HIP1R: variants seen among roughly 807,000 people sequenced by gnomAD.
HIP1R encodes the protein huntingtin-interacting protein 1-related protein.
Under a neutral mutation model 144.2 loss-of-function variants are expected in HIP1R, and 135 were observed. The ratio of observed to expected loss-of-function variants is 0.94; its 90% CI spans 0.81 to 1.08. HIP1R has a LOEUF of 1.08. Among genes scored for constraint, HIP1R ranks in the 50% least tolerant of loss-of-function variants. The pLI, the probability that HIP1R is intolerant of heterozygous loss-of-function variation, is 0.00. For missense variants in HIP1R, 1,462 were observed against 1,432.8 expected (o/e 1.02, Z -0.33); for synonymous variants, 698 against 612.8 (o/e 1.14, Z -2.05).
rs924070792 is a variant in HIP1R at position 122,861,918 on chromosome 12, C to G, written c.*165C>G. Reference sequence around the variant, plus strand: ...TGGCCCTTACTGAGCCTGCAGGGTCCTGGGCCATGTGGGTGGTGCTTCTGG... The same window carrying G: ...TGGCCCTTACTGAGCCTGCAGGGTCGTGGGCCATGTGGGTGGTGCTTCTGG... On this transcript the variant is annotated 3_prime_UTR_variant, in exon 32 of 32. Transcript: ENST00000253083. The G allele has an allele frequency of 5.0e-5, 31 of 614,726 alleles. No individual in the cohort carries two copies. In the East Asian group the frequency reaches 6.3e-4, roughly 13 times the overall value. The allele number at this position is 614,726 out of a possible 1,614,324, so 38.1% of individuals were successfully genotyped here. A position where few individuals can be genotyped will look rare whatever the true frequency, so the allele number is the denominator to read the frequency against.
At chr12:122,844,793 G>A (rs972404029) in intron 1 of HIP1R, among the ~76,000 whole-genome samples, 2 of 152,212 alleles carry the variant, frequency 1.3e-5, no homozygotes, top group African/African-American at 4.8e-5. Flanking sequence ...CTCAAAGGCT[G>A]CGCTGCCCTG....
At position 122,858,448 on chromosome 12, in the gene HIP1R, AG is replaced by A; in HGVS notation, c.2050+16del. 1 of 1,588,194 alleles carries A rather than the reference AG, an allele frequency of 6.3e-7. No individual in the cohort carries two copies. Among genetic ancestry groups the A allele is most frequent in the Non-Finnish European group, 8.6e-7 (1 of 1,165,554 alleles). On this transcript the variant is annotated intron_variant, in intron 20 of 31. Coordinates refer to ENST00000253083, the MANE Select transcript of HIP1R (RefSeq NM_003959.3). ...ACCTCCTTGGCAGGTGAGTGTAGCC[AG>A]GGCAGGGCGGAGGCGGGGGCTGTGT... is the stretch of plus-strand genomic sequence containing the variant.
chr12:122,849,740 G>T (rs979745472), intron 4 of HIP1R, 135 bp from the exon 5 acceptor site: 5 of 629,882 alleles, frequency 7.9e-6, no homozygotes, highest in Admixed American at 5.5e-5. Flanking sequence ...AGAGAGGGTG[G>T]TTGGTGGAGG....
chr12:122,857,286 G>T (rs7138398), intron 18 of HIP1R, 71 bp downstream of exon 18: 1 of 1,377,262 alleles, frequency 7.3e-7, no homozygotes, highest in Non-Finnish European at 1.0e-6. Context: ...CTGTCTCCGT[G>T]ATCTGCCTGT....
Position 122,861,470 on chromosome 12 carries a change from C to T in HIP1R, c.3115C>T (p.Pro1039Ser), listed in dbSNP as rs753226037. 2 of 1,613,470 alleles carry T rather than the reference C, an allele frequency of 1.2e-6. No homozygotes were observed. Among genetic ancestry groups the T allele is most frequent in the East Asian group, 2.2e-5 (1 of 44,880 alleles). ...APRSVTTKKP[P>S]LAQKPSVAPR... ...CCGAAGTGTAACCACCAAGAAACCA[C>T]CCCTGGCCCAGAAGCCCAGCGTGGC... Residue 1039 changes from proline to serine, a missense_variant, in exon 31 of 32, where the codon CCC (proline) becomes TCC (serine). Pro to Ser is a moderately conservative substitution (Grantham distance 74). Around this residue, in one of 2 missense-constraint regions of HIP1R, gnomAD observed 1,112 missense variants for 1,011.7 expected, o/e 1.10. Coordinates refer to ENST00000253083, the MANE Select transcript of HIP1R (RefSeq NM_003959.3).
Position 122,855,972 on chromosome 12 carries a change from T to C in HIP1R, c.1129-8T>C, listed in dbSNP as rs769194488. 6.3e-7 allele frequency: 1 copy of C among 1,580,574 alleles called. No individual in the cohort carries two copies. The highest frequency in any genetic ancestry group is 8.6e-7 in the Non-Finnish European group (1 of 1,163,828). ...AGGCAGGGCCCCACGTCACACCTCC[T>C]CCCGCAGGCCCAGCGGTACATCGCG... On this transcript the variant is annotated splice_region_variant and splice_polypyrimidine_tract_variant and intron_variant, in intron 13 of 31. Transcript: ENST00000253083.
intron 26 of HIP1R, 96 bp from the exon 27 acceptor site, chr12:122,860,327 A>G: frequency 1.3e-6 from 2 of 1,546,394 alleles, no homozygotes; most frequent in Non-Finnish European, 8.9e-7. Flanking sequence ...GATGCGCCCT[A>G]TGGCCAGAGT....
chr12:122,861,755 C>T lies in HIP1R; in HGVS notation c.*2C>T, dbSNP rs547989990. On this transcript the variant is annotated 3_prime_UTR_variant, in exon 32 of 32. Transcript: ENST00000253083. ...CCAGCTCAACTCGTGAACTACTAGGCCCCCCAGGGGTCCAGCAGGGTGGCT... is the reference window on the plus strand; with the variant it reads ...CCAGCTCAACTCGTGAACTACTAGGTCCCCCAGGGGTCCAGCAGGGTGGCT... 10 of 1,613,488 alleles carry T rather than the reference C, an allele frequency of 6.2e-6. No homozygotes were observed. The highest frequency in any genetic ancestry group is 8.5e-6 in the Non-Finnish European group (10 of 1,179,672).
intron 12 of HIP1R, 101 bp downstream of exon 12, chr12:122,855,713 C>T: frequency 2.0e-6 from 3 of 1,509,338 alleles, no homozygotes; most frequent in Non-Finnish European, 2.7e-6. Context: ...AGGTGGGGAA[C>T]ATGAACCCGT....
chr12:122,858,808 C>T (rs781640047), intron 20 of HIP1R, 30 bp from the exon 21 acceptor site: 6 of 1,483,810 alleles, frequency 4.0e-6, no homozygotes, highest in Admixed American at 1.7e-5. Flanking sequence ...TGTCATCCTC[C>T]CCCAACCTTG....
At chr12:122,848,968 G>C in intron 4 of HIP1R, 116 bp downstream of exon 4, 2 of 1,025,832 alleles carry the variant, frequency 1.9e-6, no homozygotes, top group South Asian at 2.7e-5. Context: ...GTTTTCCCAG[G>C]GGCGACAGTG....
Position 122,835,597 on chromosome 12 carries a change from C to T in HIP1R, c.47C>T (p.Pro16Leu). Residue 16 changes from proline (P) to leucine (L), a missense_variant, in exon 1 of 32, where the codon CCG (proline) becomes CTG (leucine). Pro to Leu is a moderately conservative substitution (Grantham distance 98). Transcript: ENST00000253083. ...CCGGCGCGGGTGCTGAGCCGCAGGC[C>T]GGGCCACAGCCTGGAGGCCGAGCGC... Reference protein sequence around the residue: ...NVPARVLSRRPGHSLEAEREQ... With the variant: ...NVPARVLSRRLGHSLEAEREQ... The T allele has an allele frequency of 1.5e-6, 2 of 1,323,366 alleles. No individual in the cohort carries two copies. The allele number at this position is 1,323,366 out of a possible 1,614,324, so 82.0% of individuals were successfully genotyped here. A position where few individuals can be genotyped will look rare whatever the true frequency, so the allele number is the denominator to read the frequency against.
upstream of HIP1R, chr12:122,834,813 C>T (rs2032824018): frequency 1.9e-6 from 1 of 535,196 alleles, no homozygotes. Flanking sequence ...ATGCATCCTG[C>T]ATCCCCGCAT....
At chr12:122,847,581 G>A (rs1022985535) in intron 1 of HIP1R, among the ~76,000 whole-genome samples, 8 of 152,214 alleles carry the variant, frequency 5.3e-5, no homozygotes, top group African/African-American at 1.9e-4. Flanking sequence ...AGGAGAGTGG[G>A]GACAATGTGA....
At chr12:122,854,857 C>G in intron 8 of HIP1R, 48 bp from the exon 9 acceptor site, 1 of 1,590,112 alleles carries the variant, frequency 6.3e-7, no homozygotes, top group Non-Finnish European at 8.6e-7. Context: ...CAGGTGAGCC[C>G]CTGAGCAGTG....
intron 1 of HIP1R, among the ~76,000 whole-genome samples, chr12:122,842,806 AGATG>A (rs1001572676): frequency 6.6e-6 from 1 of 152,080 alleles, no homozygotes; most frequent in Non-Finnish European, 1.5e-5. Context: ...GCACTCACTG[AGATG>A]CTCGCTGGGG....
At chr12:122,856,753 T>TG in intron 17 of HIP1R, 27 bp downstream of exon 17, 1 of 1,515,704 alleles carries the variant, frequency 6.6e-7, no homozygotes, top group Non-Finnish European at 9.0e-7. Flanking sequence ...TGACTGGAGG[T>TG]GGGGTTCTGG....
At chr12:122,837,028 A>G (rs577323961) in intron 1 of HIP1R, among the ~76,000 whole-genome samples, 2 of 152,356 alleles carry the variant, frequency 1.3e-5, no homozygotes, top group East Asian at 3.9e-4. Context: ...TCACCAATAC[A>G]TAATTAATTG....
At chr12:122,842,067 GCCT>G (rs1178918036) in intron 1 of HIP1R, among the ~76,000 whole-genome samples, 1 of 152,170 alleles carries the variant, frequency 6.6e-6, no homozygotes, top group Non-Finnish European at 1.5e-5. Context: ...CCATATCCCG[GCCT>G]CCTCAGCTAC....
Sources: allele counts gnomAD v4.1 joint callset (sites outside exome capture counted in the v4.1 genomes callset), GRCh38; gene constraint gnomAD v4.1.1; regional missense constraint gnomAD v4.1.1; transcripts MANE v1.5; gene names NCBI Gene and HGNC (gene_info 2026-07-23, HGNC 2026-07-21).